The following SPTBN1 variants were observed in gnomAD, a reference collection of about 807,000 sequenced individuals.
SPTBN1 encodes the protein spectrin beta, non-erythrocytic 1, also known as spectrin beta chain, non-erythrocytic 1.
A neutral mutation model predicts 266.4 loss-of-function variants in SPTBN1; 32 were observed. That is an observed-to-expected ratio of 0.12 (90% CI 0.09 to 0.16). SPTBN1 has a LOEUF of 0.16. SPTBN1 is among the 10% of genes least tolerant of loss of function. SPTBN1 has a pLI of 1.00. For synonymous variants in SPTBN1, 1,336 were observed against 1,162.2 expected (o/e 1.15, Z -3.04); for missense variants, 2,296 against 3,067.1 (o/e 0.75, Z 5.94).
At chr2:54,630,785 GT>G in intron 15 of SPTBN1, 69 bp from the exon 16 acceptor site, 4 of 1,493,080 alleles carry the variant, frequency 2.7e-6, no homozygotes, top group Non-Finnish European at 3.6e-6. Context: ...ACCCATCACT[GT>G]TCCTTTTGCA....
chr2:54,566,860 C>A (rs966251625), intron 2 of SPTBN1, among the ~76,000 whole-genome samples: 1 of 152,064 alleles, frequency 6.6e-6, no homozygotes, highest in African/African-American at 2.4e-5. Flanking sequence ...ATTGTTAAAT[C>A]ATTTTGTTGG....
intron 2 of SPTBN1, chr2:54,546,602 G>A (rs1426101721): frequency 1.3e-5 from 2 of 152,168 alleles, no homozygotes; most frequent in Non-Finnish European, 2.9e-5. Context: ...TTGGGTTGTC[G>A]AGATCATGAG....
intron 2 of SPTBN1, 53 bp downstream of exon 2, chr2:54,526,619 C>G: frequency 6.4e-7 from 1 of 1,571,836 alleles, no homozygotes; most frequent in South Asian, 1.2e-5. Flanking sequence ...ATCAGGATGC[C>G]CCTTAAAATC....
At chr2:54,473,587 C>T (rs1380739307) in intron 1 of SPTBN1, among the ~76,000 whole-genome samples, 1 of 151,952 alleles carries the variant, frequency 6.6e-6, no homozygotes, top group Non-Finnish European at 1.5e-5. Flanking sequence ...GAGAGGTGAA[C>T]TACAGGCCAC....
intron 24 of SPTBN1, among the ~76,000 whole-genome samples, chr2:54,647,954 G>C (rs1270972892): frequency 6.6e-6 from 1 of 152,198 alleles, no homozygotes; most frequent in Non-Finnish European, 1.5e-5. Context: ...GTAATTACTA[G>C]TTTTAAGAGG....
intron 3 of SPTBN1, among the ~76,000 whole-genome samples, chr2:54,609,583 G>A (rs1279421732): frequency 6.6e-6 from 1 of 152,026 alleles, no homozygotes; most frequent in African/African-American, 2.4e-5. Flanking sequence ...ATAGAGTTTT[G>A]TGTAGTAATG....
chr2:54,494,417 C>T (rs1388742170), intron 1 of SPTBN1, among the ~76,000 whole-genome samples: 1 of 152,130 alleles, frequency 6.6e-6, no homozygotes, highest in Non-Finnish European at 1.5e-5. Context: ...AATGAAAACA[C>T]ATATTCGTAC....
intron 4 of SPTBN1, among the ~76,000 whole-genome samples, chr2:54,613,907 CAG>C (rs1677395030): frequency 1.3e-5 from 2 of 152,192 alleles, no homozygotes; most frequent in South Asian, 4.1e-4. Context: ...CTGCAATAAT[CAG>C]AGCGTGGAAG....
At chr2:54,601,793 C>A (rs1676517803) in intron 3 of SPTBN1, among the ~76,000 whole-genome samples, 1 of 152,190 alleles carries the variant, frequency 6.6e-6, no homozygotes, top group African/African-American at 2.4e-5. Flanking sequence ...ACTTCCTTTA[C>A]AGAGGAGGAA....
chr2:54,465,666 A>ATATATATATATATATATATATATC (rs1408352073), intron 1 of SPTBN1, among the ~76,000 whole-genome samples: 4 of 137,820 alleles, frequency 2.9e-5, no homozygotes, highest in East Asian at 2.2e-4. Context: ...ATATATATAT[A>ATATATATATATATATATATATATC]TATCTCACAC....
At position 54,637,718 on chromosome 2, in the gene SPTBN1, G is replaced by A. The variant is rs1349779032; in HGVS notation, c.3773G>A (p.Arg1258Lys). ...TTTTGTTACCATTCTAATAGACATA[G>A]GAAGAATCGTGAGACAGCCAGTGAA... ...EKVDSIDDRH[R>K]KNRETASELL... The change falls in exon 18 of 36, where the codon AGG becomes AAG. Residue 1258 changes from arginine (R) to lysine (K), a missense_variant. Arg to Lys is a conservative substitution (Grantham distance 26). Transcript: ENST00000356805. 2 of 1,612,610 alleles carry A rather than the reference G, an allele frequency of 1.2e-6. No homozygotes were observed. Among genetic ancestry groups the A allele is most frequent in the Non-Finnish European group, 8.5e-7 (1 of 1,179,038 alleles).
chr2:54,637,346 G>C (rs1679218250), intron 17 of SPTBN1, among the ~76,000 whole-genome samples: 2 of 152,134 alleles, frequency 1.3e-5, no homozygotes, highest in Admixed American at 1.3e-4. Context: ...GTGTCACCCA[G>C]TTATGAGCTT....
intron 2 of SPTBN1, chr2:54,529,271 T>C: frequency 2.3e-6 from 1 of 438,060 alleles, no homozygotes; most frequent in Non-Finnish European, 4.4e-6. Flanking sequence ...TGGACCGAGC[T>C]AAAGTCTAGG....
At chr2:54,599,370 GT>G in intron 3 of SPTBN1, 127 bp downstream of exon 3, 1 of 1,168,694 alleles carries the variant, frequency 8.6e-7, no homozygotes, top group Non-Finnish European at 1.2e-6. Context: ...ATCTTGAGAA[GT>G]GAGTTGAGCG....
chr2:54,658,203 G>A (rs1411624302), intron 30 of SPTBN1, among the ~76,000 whole-genome samples, 157 bp downstream of exon 30: 2 of 152,186 alleles, frequency 1.3e-5, no homozygotes, highest in East Asian at 3.8e-4. Flanking sequence ...CTCCTGTGGA[G>A]CAGGACCTAG....
chr2:54,532,098 G>C (rs1671284306), intron 2 of SPTBN1, among the ~76,000 whole-genome samples: 1 of 152,126 alleles, frequency 6.6e-6, no homozygotes. Context: ...AACCAGCCTG[G>C]CCAACGTAGC....
chr2:54,493,894 C>T (rs568473280), intron 1 of SPTBN1, among the ~76,000 whole-genome samples: 2 of 152,208 alleles, frequency 1.3e-5, no homozygotes, highest in Admixed American at 1.3e-4. Flanking sequence ...CTATCAAAGA[C>T]AACAGAAGTT....
chr2:54,558,658 C>CG lies in SPTBN1; in HGVS notation c.148+32094dup. On this transcript the variant is annotated intron_variant, in intron 2 of 35. Transcript: ENST00000356805. This position sits in a 1 kb window ranked among gnomAD's most constrained non-coding sequence, Gnocchi z 4.6. The stretch of plus-strand genomic sequence containing the variant: ...AGATCACCCTGCTGGACTTGCAGAC[C>CG]GGAATGGGGCTCGCCTAAGGAGCCG... 6.7e-7 allele frequency: 1 copy of CG among 1,496,790 alleles called. No individual in the cohort carries two copies. The highest frequency in any genetic ancestry group is 8.9e-7 in the Non-Finnish European group (1 of 1,121,696). The allele number at this position is 1,496,790 out of a possible 1,614,324, so 92.7% of individuals were successfully genotyped here.
intron 9 of SPTBN1, 94 bp from the exon 10 acceptor site, chr2:54,623,385 T>A: frequency 9.3e-7 from 1 of 1,078,380 alleles, no homozygotes; most frequent in Non-Finnish European, 1.4e-6. Context: ...GCATTTCATG[T>A]AAGTCAGACC....
Sources: gnomAD v4.1 joint callset for allele counts (sites outside exome capture counted in the v4.1 genomes callset) on GRCh38, gnomAD v4.1.1 for gene constraint, Gnocchi (gnomAD v3.1) non-coding constraint, MANE v1.5 for transcripts, NCBI Gene and HGNC (gene_info 2026-07-23, HGNC 2026-07-21) for gene names.